GNAQ: variants seen among roughly 807,000 people sequenced by gnomAD.
GNAQ encodes G protein subunit alpha q, also known as guanine nucleotide-binding protein G(q) subunit alpha.
In GNAQ, 8 loss-of-function variants were observed where a neutral mutation model predicts 43.9. The observed-to-expected ratio is 0.18, with a 90% CI of 0.11 to 0.33. The LOEUF is 0.33. GNAQ is among the 10% of genes least tolerant of loss of function. GNAQ has a pLI of 1.00. For synonymous variants in GNAQ, 155 were observed against 170.7 expected (o/e 0.91, Z 0.71); for missense variants, 158 against 450.8 (o/e 0.35, Z 5.88).
intron 1 of GNAQ, among the ~76,000 whole-genome samples, chr9:77,958,138 G>A (rs1243890555): frequency 6.6e-6 from 1 of 152,178 alleles, no homozygotes; most frequent in Non-Finnish European, 1.5e-5. Flanking sequence ...TGTTGGGAGG[G>A]TTAAAACACA....
chr9:77,995,089 T>C (rs1355340795), intron 1 of GNAQ, among the ~76,000 whole-genome samples: 2 of 152,218 alleles, frequency 1.3e-5, no homozygotes, highest in Non-Finnish European at 2.9e-5. Flanking sequence ...AAATCGAAGT[T>C]AACATTTACA....
intron 1 of GNAQ, among the ~76,000 whole-genome samples, chr9:77,995,479 A>T (rs754350757): frequency 6.6e-6 from 1 of 152,094 alleles, no homozygotes; most frequent in Non-Finnish European, 1.5e-5. Flanking sequence ...TGAGGGCAGA[A>T]GCTTATTAAC....
chr9:77,815,593 G>C, intron 3 of GNAQ, 23 bp downstream of exon 3: 1 of 1,544,128 alleles, frequency 6.5e-7, no homozygotes, highest in Non-Finnish European at 8.9e-7. Flanking sequence ...AAAATCCATA[G>C]GGCCACCTGG....
At chr9:77,843,943 T>G (rs1827533365) in intron 2 of GNAQ, among the ~76,000 whole-genome samples, 1 of 152,150 alleles carries the variant, frequency 6.6e-6, no homozygotes, top group Non-Finnish European at 1.5e-5. Flanking sequence ...CAGGTCCTTA[T>G]AACTCAGAAA....
rs1825227123 is a variant in GNAQ at position 77,716,340 on chromosome 9, G to GT, written c.*4982dup. On this transcript the variant is annotated 3_prime_UTR_variant, in exon 7 of 7. Transcript: ENST00000286548. ...GGGGCATTATTATACAACATTAGGTGTTTTTTGCAAAACTAGTTCCCATCC... is the reference window on the plus strand; with the variant it reads ...GGGGCATTATTATACAACATTAGGTGTTTTTTTGCAAAACTAGTTCCCATCC... 1 of 232,300 alleles carries GT rather than the reference G, an allele frequency of 4.3e-6. No homozygotes were observed. The highest frequency in any genetic ancestry group is 8.5e-6 in the Non-Finnish European group (1 of 117,540). 14.4% of individuals were successfully genotyped at this position (232,300 alleles called of 1,614,324 possible).
At chr9:77,976,380 G>GT (rs371434955) in intron 1 of GNAQ, among the ~76,000 whole-genome samples, 21 of 150,652 alleles carry the variant, frequency 1.4e-4, no homozygotes, top group Admixed American at 5.3e-4. Context: ...TTGGTTTTTG[G>GT]TTTTTTTTTG....
chr9:77,753,635 AG>A (rs1431313610), intron 5 of GNAQ, among the ~76,000 whole-genome samples: 1 of 152,226 alleles, frequency 6.6e-6, no homozygotes, highest in Non-Finnish European at 1.5e-5. Context: ...TGACAGAAAG[AG>A]GAAGTATAGC....
Position 77,985,568 on chromosome 9 carries a change from G to C in GNAQ, c.136+45532C>G, listed in dbSNP as rs559552113. On this transcript the variant is annotated intron_variant, in intron 1 of 6. Transcript: ENST00000286548. ...TAACTGATTATGTGTTTTTAGATTAGTATAATTTTTAATTTTTCTATTTTT... is the reference window on the plus strand; with the variant it reads ...TAACTGATTATGTGTTTTTAGATTACTATAATTTTTAATTTTTCTATTTTT... 1.4e-3 allele frequency among the ~76,000 whole-genome samples: 210 copies of C among 152,186 alleles called. 1 individual carries two copies. Among genetic ancestry groups the C allele is most frequent in the Non-Finnish European group, 2.8e-3 (192 of 67,982 alleles).
chr9:77,922,423 C>A, intron 1 of GNAQ, 78 bp from the exon 2 acceptor site: 5 of 984,424 alleles, frequency 5.1e-6, no homozygotes, highest in Non-Finnish European at 6.2e-6. Context: ...AATACCATGC[C>A]TTGGATTTAA....
At chr9:77,948,932 T>A (rs1020481465) in intron 1 of GNAQ, among the ~76,000 whole-genome samples, 2 of 152,086 alleles carry the variant, frequency 1.3e-5, no homozygotes, top group Non-Finnish European at 2.9e-5. Context: ...GCCCACAATG[T>A]CTTGATACAG....
chr9:77,897,450 A>T (rs1168384382), intron 2 of GNAQ, among the ~76,000 whole-genome samples: 1 of 152,164 alleles, frequency 6.6e-6, no homozygotes, highest in Non-Finnish European at 1.5e-5. Flanking sequence ...CAACTTCGAA[A>T]GGCAAATTCA....
intron 2 of GNAQ, among the ~76,000 whole-genome samples, chr9:77,837,598 T>C (rs1301202723): frequency 1.3e-5 from 2 of 151,830 alleles, no homozygotes; most frequent in South Asian, 2.1e-4. Context: ...CATCATATGA[T>C]TGATTTTTTA....
At chr9:77,729,278 T>TA (rs1161043361) in intron 5 of GNAQ, among the ~76,000 whole-genome samples, 2 of 152,248 alleles carry the variant, frequency 1.3e-5, no homozygotes, top group African/African-American at 4.8e-5. Flanking sequence ...TGTTTCACTA[T>TA]ACTATTAATA....
rs894724400 is a variant in GNAQ, at chr9:77,752,960, G to A, written c.736-24293C>T. Reference sequence around the variant, plus strand: ...AAAGTAGCAGGGTGTGGTGGCAGGCGCCTGTAGTTCCAGCTACTCGGGAGG... The same window carrying A: ...AAAGTAGCAGGGTGTGGTGGCAGGCACCTGTAGTTCCAGCTACTCGGGAGG... On this transcript the variant is annotated intron_variant, in intron 5 of 6. Transcript: ENST00000286548. Among the ~76,000 whole-genome samples the A allele has an allele frequency of 1.1e-4, 16 of 151,658 alleles. 1 individual carries two copies. Among genetic ancestry groups the A allele is most frequent in the Admixed American group, 6.6e-4 (10 of 15,228 alleles).
At chr9:77,893,625 G>A (rs905556458) in intron 2 of GNAQ, among the ~76,000 whole-genome samples, 1 of 152,134 alleles carries the variant, frequency 6.6e-6, no homozygotes, top group African/African-American at 2.4e-5. Context: ...GACTCACTCT[G>A]AATTATTTCT....
intron 1 of GNAQ, among the ~76,000 whole-genome samples, chr9:77,925,677 T>A (rs1829061455): frequency 6.6e-6 from 1 of 152,174 alleles, no homozygotes; most frequent in Admixed American, 6.5e-5. Context: ...AGGCAAAGTT[T>A]CACGTAAGAA....
chr9:77,887,066 G>A (rs947955992), intron 2 of GNAQ, among the ~76,000 whole-genome samples: 2 of 152,136 alleles, frequency 1.3e-5, no homozygotes, highest in African/African-American at 4.8e-5. Context: ...AAGTTGTAGT[G>A]AGCCAAGTTT....
At chr9:77,765,668 A>G (rs1826124024) in intron 5 of GNAQ, among the ~76,000 whole-genome samples, 1 of 152,238 alleles carries the variant, frequency 6.6e-6, no homozygotes, top group African/African-American at 2.4e-5. Context: ...GGGAACATAA[A>G]AAGATACAGC....
At chr9:77,748,885 G>C (rs1825770787) in intron 5 of GNAQ, among the ~76,000 whole-genome samples, 1 of 152,172 alleles carries the variant, frequency 6.6e-6, no homozygotes, top group African/African-American at 2.4e-5. Context: ...GACTGGTCCT[G>C]TTATAAGCCA....
Sources: allele counts gnomAD v4.1 joint callset (sites outside exome capture counted in the v4.1 genomes callset), GRCh38; gene constraint gnomAD v4.1.1; transcripts MANE v1.5; gene names NCBI Gene and HGNC (gene_info 2026-07-23, HGNC 2026-07-21).